RB1: variants seen among roughly 807,000 people sequenced by gnomAD.
The protein encoded by RB1 is RB transcriptional corepressor 1.
RB1 carries 18 observed loss-of-function variants against 135.4 expected under a neutral mutation model. The observed-to-expected ratio is 0.13, with a 90% CI of 0.09 to 0.20. The LOEUF (loss-of-function observed/expected upper bound fraction) is 0.20, where lower values mean the gene tolerates loss of function less well. Ranked by LOEUF, RB1 falls within the 10% of genes least tolerant of loss-of-function variation. The pLI is 1.00. For missense variants in RB1, 868 were observed against 1,110.0 expected, an observed-to-expected ratio of 0.78 and a Z score of 3.10; for synonymous variants, 365 against 373.2, an observed-to-expected ratio of 0.98 and a Z score of 0.25.
At chr13:48,451,050 T>C (rs1949324159) in intron 17 of RB1, among the ~76,000 whole-genome samples, 1 of 152,212 alleles carries the variant, frequency 6.6e-6, no homozygotes, top group Non-Finnish European at 1.5e-5. Flanking sequence ...TTTGCTGAAG[T>C]TGCTTATCAG....
In RB1 at chr13:48,456,212, C is replaced by G. The variant is rs775051210; in HGVS notation, c.1823C>G (p.Ser608Cys). 1.2e-6 allele frequency: 2 copies of G among 1,614,062 alleles called. No individual in the cohort carries two copies. Among genetic ancestry groups the G allele is most frequent in the South Asian group, 1.1e-5 (1 of 91,074 alleles). The change falls in exon 19 of 27, where the codon TCT becomes TGT. Residue 608 changes from serine to cysteine, a missense_variant. Ser to Cys is a moderately radical substitution (Grantham distance 112, BLOSUM62 -1). Around this residue, in one of 3 missense-constraint regions of RB1, gnomAD observed 641 missense variants for 791.3 expected, o/e 0.81. Coordinates refer to ENST00000267163, the MANE Select transcript of RB1 (RefSeq NM_000321.3). The part of the protein sequence containing the change: ...NNHTAADMYL[S>C]PVRSPKKKGS... ...CCTTTAAATATATCTAGGTATCTTTCTCCTGTAAGATCTCCAAAGAAAAAA... is the reference window on the plus strand; with the variant it reads ...CCTTTAAATATATCTAGGTATCTTTGTCCTGTAAGATCTCCAAAGAAAAAA...
chr13:48,378,402 A>G (rs1420970271), intron 13 of RB1, among the ~76,000 whole-genome samples: 1 of 152,086 alleles, frequency 6.6e-6, no homozygotes, highest in Non-Finnish European at 1.5e-5. Flanking sequence ...AGGCAAACAC[A>G]CACATTAGCC....
At position 48,328,132 on chromosome 13, in the gene RB1, A is replaced by G. The variant is rs1839984940; in HGVS notation, c.265-14467A>G. Reference sequence around the variant, plus strand: ...AGATGAGATTTTATATTCCACTCCCATAGCTTCTGGTTATCAGAAAACCCA... The same window carrying G: ...AGATGAGATTTTATATTCCACTCCCGTAGCTTCTGGTTATCAGAAAACCCA... On this transcript the variant is annotated intron_variant, in intron 2 of 26. Coordinates refer to ENST00000267163, the MANE Select transcript of RB1 (RefSeq NM_000321.3). 29 of 1,163,442 alleles carry G rather than the reference A, an allele frequency of 2.5e-5. No homozygotes were observed. In the South Asian group the frequency reaches 2.7e-4, roughly 11 times the overall value. 72.1% of individuals were successfully genotyped at this position (1,163,442 alleles called of 1,614,324 possible).
chr13:48,418,318 G>C (rs1230175963), intron 17 of RB1, among the ~76,000 whole-genome samples: 2 of 152,140 alleles, frequency 1.3e-5, no homozygotes, highest in Admixed American at 1.3e-4. Context: ...ATCCTTCACA[G>C]ATAAGCAAAT....
chr13:48,400,024 A>G (rs1340221090), intron 17 of RB1, among the ~76,000 whole-genome samples: 1 of 152,080 alleles, frequency 6.6e-6, no homozygotes, highest in East Asian at 1.9e-4. Context: ...AAATTCAAGG[A>G]TGTCCAAAAA....
At chr13:48,345,279 A>G in intron 4 of RB1, 80 bp downstream of exon 4, 1 of 1,474,074 alleles carries the variant, frequency 6.8e-7, no homozygotes, top group Admixed American at 1.7e-5. Context: ...ATTATTTAAC[A>G]CATTTAGTAA....
chr13:48,409,411 T>C (rs1362674976), intron 17 of RB1, among the ~76,000 whole-genome samples: 1 of 151,920 alleles, frequency 6.6e-6, no homozygotes, highest in African/African-American at 2.4e-5. Context: ...ACAGCAAAAA[T>C]CAAATTTATG....
intron 9 of RB1, 107 bp downstream of exon 9, chr13:48,365,078 T>C (rs77796139): frequency 4.6e-5 from 61 of 1,340,022 alleles, no homozygotes; most frequent in Non-Finnish European, 3.3e-5. Context: ...ATTTTTTTTT[T>C]GCCCAAGAAG....
intron 17 of RB1, among the ~76,000 whole-genome samples, chr13:48,440,335 A>G (rs751526212): frequency 6.6e-5 from 10 of 152,292 alleles, no homozygotes; most frequent in Non-Finnish European, 1.3e-4. Flanking sequence ...AACTTTTGCT[A>G]TGTTCTGTGA....
intron 14 of RB1, among the ~76,000 whole-genome samples, 171 bp downstream of exon 14, chr13:48,379,821 G>A (rs572985326): frequency 8.6e-5 from 13 of 151,510 alleles, no homozygotes; most frequent in African/African-American, 3.2e-4. Context: ...TTAGCTGGGC[G>A]TGGTGGTGTA....
At chr13:48,380,683 A>G (rs537842972) in intron 16 of RB1, among the ~76,000 whole-genome samples, 13 of 152,344 alleles carry the variant, frequency 8.5e-5, no homozygotes, top group Non-Finnish European at 1.8e-4. Flanking sequence ...ACATAAATGT[A>G]TATCACTTTG....
chr13:48,303,761 C>CG lies in RB1; in HGVS notation c.-147dup. On this transcript the variant is annotated 5_prime_UTR_variant, in exon 1 of 27. Transcript: ENST00000267163. ...TTGGACGCGGCGCTCAGTTGCCGGGCGGGGGAGGGCGCGTCCGGTTTTTCT... is the reference window on the plus strand; with the variant it reads ...TTGGACGCGGCGCTCAGTTGCCGGGCGGGGGGAGGGCGCGTCCGGTTTTTCT... 1 of 1,210,892 alleles carries CG rather than the reference C, an allele frequency of 8.3e-7. No homozygotes were observed. The allele number at this position is 1,210,892 out of a possible 1,614,324, so 75.0% of individuals were successfully genotyped here. A position where few individuals can be genotyped will look rare whatever the true frequency, so the allele number is the denominator to read the frequency against.
At chr13:48,338,344 A>G (rs1952404761) in intron 2 of RB1, among the ~76,000 whole-genome samples, 2 of 152,202 alleles carry the variant, frequency 1.3e-5, no homozygotes, top group Admixed American at 1.3e-4. Flanking sequence ...GTCTTTTCAC[A>G]GAGTCCGGTA....
chr13:48,448,614 T>G (rs1274685136), intron 17 of RB1, among the ~76,000 whole-genome samples: 1 of 152,240 alleles, frequency 6.6e-6, no homozygotes, highest in Non-Finnish European at 1.5e-5. Context: ...AGTACCTACT[T>G]GACATGTAGA....
chr13:48,355,079 A>G (rs2138101530), intron 6 of RB1, among the ~76,000 whole-genome samples: 1 of 152,262 alleles, frequency 6.6e-6, no homozygotes, highest in South Asian at 2.1e-4. Context: ...GATCATATCA[A>G]GTTAAAAAGC....
intron 17 of RB1, among the ~76,000 whole-genome samples, chr13:48,448,097 A>G (rs1475137634): frequency 6.6e-6 from 1 of 152,218 alleles, no homozygotes; most frequent in Non-Finnish European, 1.5e-5. Flanking sequence ...ATGTGGGTTT[A>G]TACTCATACC....
intron 17 of RB1, among the ~76,000 whole-genome samples, chr13:48,451,991 ATTC>A (rs1443638408): frequency 4.0e-5 from 6 of 151,236 alleles, no homozygotes; most frequent in Admixed American, 4.0e-4. Flanking sequence ...CGTTTATTCC[ATTC>A]TTCTTTCTTT....
At position 48,319,033 on chromosome 13, in the gene RB1, T is replaced by A; in HGVS notation, c.264+11627T>A. ...TAGTCTTGGAAATGCCCAAGATTGC[T>A]TCCGCGCGCGTCAGTTCAGCGGACG... On this transcript the variant is annotated intron_variant, in intron 2 of 26. Coordinates refer to ENST00000267163, the MANE Select transcript of RB1 (RefSeq NM_000321.3). The surrounding 1 kb of genome is among the most constrained non-coding windows in gnomAD (Gnocchi z 5.0). The A allele has an allele frequency of 1.5e-6, 1 of 657,848 alleles. No homozygotes were observed. Among genetic ancestry groups the A allele is most frequent in the East Asian group, 3.2e-5 (1 of 31,384 alleles). 40.8% of individuals were successfully genotyped at this position (657,848 alleles called of 1,614,324 possible).
At chr13:48,310,908 A>G (rs1952124394) in intron 2 of RB1, among the ~76,000 whole-genome samples, 1 of 152,154 alleles carries the variant, frequency 6.6e-6, no homozygotes, top group Admixed American at 6.5e-5. Flanking sequence ...TCATAAGGTT[A>G]GATTGTATTT....
Sources: gnomAD v4.1 joint callset for allele counts (sites outside exome capture counted in the v4.1 genomes callset) on GRCh38, gnomAD v4.1.1 for gene constraint, gnomAD v4.1.1 regional missense constraint, Gnocchi (gnomAD v3.1) non-coding constraint, MANE v1.5 for transcripts, NCBI Gene and HGNC (gene_info 2026-07-23, HGNC 2026-07-21) for gene names.